AP3B1: variants seen among roughly 807,000 people sequenced by gnomAD.
AP3B1 encodes the protein adaptor related protein complex 3 subunit beta 1.
Under a neutral mutation model 132.5 loss-of-function variants are expected in AP3B1, and 61 were observed. The observed-to-expected ratio is 0.46, with a 90% CI of 0.37 to 0.57. AP3B1 has a LOEUF of 0.57. AP3B1 is among the 20% of genes least tolerant of loss of function. The pLI, the probability that AP3B1 is intolerant of heterozygous loss-of-function variation, is 0.00. For missense variants in AP3B1, 1,120 were observed against 1,289.4 expected (o/e 0.87, Z 2.01); for synonymous variants, 388 against 438.3 (o/e 0.89, Z 1.43).
intron 6 of AP3B1, among the ~76,000 whole-genome samples, chr5:78,217,331 A>T (rs1746005121): frequency 6.6e-6 from 1 of 152,152 alleles, no homozygotes; most frequent in Non-Finnish European, 1.5e-5. Flanking sequence ...CTATTATGCT[A>T]AACAAGTTTC....
At chr5:78,184,277 A>G (rs1169504107) in intron 7 of AP3B1, among the ~76,000 whole-genome samples, 1 of 152,180 alleles carries the variant, frequency 6.6e-6, no homozygotes, top group Non-Finnish European at 1.5e-5. Context: ...AACCTAATGA[A>G]TGGGATCAAA....
chr5:78,126,094 A>G (rs1752443259), intron 17 of AP3B1, among the ~76,000 whole-genome samples: 1 of 151,994 alleles, frequency 6.6e-6, no homozygotes, highest in Admixed American at 6.6e-5. Context: ...TAATGAAAAA[A>G]AAAAACGAAC....
chr5:78,118,551 T>C (rs570662098), intron 17 of AP3B1, among the ~76,000 whole-genome samples: 1 of 152,320 alleles, frequency 6.6e-6, no homozygotes, highest in East Asian at 1.9e-4. Context: ...CAGAGGGTCC[T>C]ACACCCACGG....
intron 8 of AP3B1, among the ~76,000 whole-genome samples, chr5:78,178,325 A>G (rs1051883529): frequency 6.6e-6 from 1 of 152,172 alleles, no homozygotes; most frequent in Non-Finnish European, 1.5e-5. Flanking sequence ...CAAAGCCATT[A>G]TAAGGGTGAT....
Position 78,021,756 on chromosome 5 carries a change from C to A in AP3B1, c.2895-967G>T, listed in dbSNP as rs189202946. Among the ~76,000 whole-genome samples, 103 of 152,272 alleles carry A rather than the reference C, an allele frequency of 6.8e-4. 1 individual carries two copies. Among genetic ancestry groups the A allele is most frequent in the African/African-American group, 2.4e-3 (101 of 41,576 alleles). ...CCATCCTTACTATGTTGGCTTTCAT[C>A]CTCATGGTTGCCACATGGCTGCTGT... On this transcript the variant is annotated intron_variant, in intron 24 of 26. Transcript: ENST00000255194.
At position 78,008,062 on chromosome 5, in the gene AP3B1, C is replaced by T. The variant is rs569598867; in HGVS notation, c.3132-5007G>A. On this transcript the variant is annotated intron_variant, in intron 26 of 26. Coordinates refer to ENST00000255194, the MANE Select transcript of AP3B1 (RefSeq NM_003664.5). ...AAAAATTATTCCCCACACTATCAGG[C>T]CAATGATGCATTCTCTTTCTTTATA... Among the ~76,000 whole-genome samples the T allele has an allele frequency of 5.3e-5, 8 of 152,254 alleles. No individual in the cohort carries two copies. In the South Asian group the frequency reaches 1.7e-3, roughly 32 times the overall value.
intron 22 of AP3B1, among the ~76,000 whole-genome samples, chr5:78,054,983 C>T (rs906009043): frequency 6.7e-6 from 1 of 149,954 alleles, no homozygotes; most frequent in Non-Finnish European, 1.5e-5. Context: ...AAATGGGTTC[C>T]CTGAGACCAT....
chr5:78,100,908 ACT>A, intron 21 of AP3B1, 43 bp downstream of exon 21: 1 of 1,168,438 alleles, frequency 8.6e-7, no homozygotes, highest in Non-Finnish European at 1.2e-6. Context: ...AATAAAAAAT[ACT>A]CTTACTAAAC....
At chr5:78,199,431 T>C (rs910388351) in intron 7 of AP3B1, among the ~76,000 whole-genome samples, 2 of 152,124 alleles carry the variant, frequency 1.3e-5, no homozygotes, top group African/African-American at 2.4e-5. Context: ...GGGAAGAAAA[T>C]AGAAACATTT....
chr5:78,214,729 T>C (rs1745884112), intron 7 of AP3B1, among the ~76,000 whole-genome samples: 1 of 152,158 alleles, frequency 6.6e-6, no homozygotes, highest in Non-Finnish European at 1.5e-5. Context: ...ATCATAGAGA[T>C]GTTCCTTAAT....
chr5:78,192,075 G>C (rs1483299149), intron 7 of AP3B1, among the ~76,000 whole-genome samples: 2 of 151,740 alleles, frequency 1.3e-5, no homozygotes, highest in Middle Eastern at 3.4e-3. Context: ...GGTCAGGCTG[G>C]TCTCGAACTC....
chr5:78,025,427 C>T (rs892236481), intron 24 of AP3B1, among the ~76,000 whole-genome samples: 7 of 152,106 alleles, frequency 4.6e-5, no homozygotes, highest in African/African-American at 7.2e-5. Context: ...ACAAGCAAGG[C>T]GTTAGAGAGC....
intron 21 of AP3B1, among the ~76,000 whole-genome samples, chr5:78,094,999 C>T (rs557041284): frequency 6.6e-6 from 1 of 152,132 alleles, no homozygotes; most frequent in South Asian, 2.1e-4. Context: ...CTTTCTTAAA[C>T]TCAACTCAAA....
chr5:78,091,372 T>C lies in AP3B1; in HGVS notation c.2471-1873A>G, dbSNP rs144849858. Among the ~76,000 whole-genome samples, 3 of 148,124 alleles carry C rather than the reference T, an allele frequency of 2.0e-5. No individual in the cohort carries two copies. In the East Asian group the frequency reaches 6.0e-4, roughly 30 times the overall value. On this transcript the variant is annotated intron_variant, in intron 21 of 26. Coordinates refer to ENST00000255194, the MANE Select transcript of AP3B1 (RefSeq NM_003664.5). The stretch of plus-strand genomic sequence containing the variant: ...AAACACTAAACAAAATCTCAACATA[T>C]ATAATAGAGAAAGCAGCCTGGAGGT...
At chr5:78,203,300 C>T (rs1372772905) in intron 7 of AP3B1, among the ~76,000 whole-genome samples, 1 of 152,070 alleles carries the variant, frequency 6.6e-6, no homozygotes, top group East Asian at 1.9e-4. Flanking sequence ...GCTGGGGAGG[C>T]CTCAGGAAAC....
At chr5:78,091,512 T>C (rs1750515863) in intron 21 of AP3B1, among the ~76,000 whole-genome samples, 2 of 152,128 alleles carry the variant, frequency 1.3e-5, no homozygotes, top group Non-Finnish European at 2.9e-5. Context: ...CGGTACAGTT[T>C]AGCAAGTGTC....
chr5:78,133,497 C>A (rs1752770500), intron 15 of AP3B1, among the ~76,000 whole-genome samples: 1 of 152,128 alleles, frequency 6.6e-6, no homozygotes, highest in Non-Finnish European at 1.5e-5. Context: ...AGTGATATTA[C>A]TTCATTAAAA....
chr5:78,170,205 C>T (rs564043533), intron 11 of AP3B1, among the ~76,000 whole-genome samples: 24 of 152,128 alleles, frequency 1.6e-4, no homozygotes, highest in African/African-American at 3.6e-4. Context: ...TGAATAGTGC[C>T]GCAATAAACA....
At chr5:78,268,736 C>T (rs980784662) in intron 1 of AP3B1, among the ~76,000 whole-genome samples, 1 of 152,094 alleles carries the variant, frequency 6.6e-6, no homozygotes, top group Admixed American at 6.6e-5. Context: ...AACAGAATCT[C>T]AATATTAAAG....
Sources: gnomAD v4.1 joint callset for allele counts (sites outside exome capture counted in the v4.1 genomes callset) on GRCh38, gnomAD v4.1.1 for gene constraint, MANE v1.5 for transcripts, NCBI Gene and HGNC (gene_info 2026-07-23, HGNC 2026-07-21) for gene names.